The following PGPEP1L variants were observed in gnomAD, a reference collection of about 807,000 sequenced individuals.
PGPEP1L encodes pyroglutamyl-peptidase I like.
A neutral mutation model predicts 6.0 loss-of-function variants in PGPEP1L; 7 were observed. That is an observed-to-expected ratio of 1.17 (90% confidence interval 0.66 to 2.19). The LOEUF (loss-of-function observed/expected upper bound fraction) is 2.19, where lower values mean the gene tolerates loss of function less well. Among genes scored for constraint, PGPEP1L ranks in the 30% most tolerant of loss-of-function variants. The probability of loss-of-function intolerance (pLI) is 0.00; values close to 1 mark genes in which losing one functional copy is unlikely to be tolerated. For synonymous variants in PGPEP1L, 103 were observed against 83.9 expected, an observed-to-expected ratio of 1.23 and a Z score of -1.24; for missense variants, 209 against 192.5, an observed-to-expected ratio of 1.09 and a Z score of -0.51.
chr15:99,001,585 G>A (rs2017970998), intron 2 of PGPEP1L, among the ~76,000 whole-genome samples: 1 of 152,216 alleles, frequency 6.6e-6, no homozygotes, highest in South Asian at 2.1e-4. Flanking sequence ...CAATGAAGTA[G>A]TTTAAAAACT....
chr15:98,987,507 A>C (rs1459547903), intron 2 of PGPEP1L, among the ~76,000 whole-genome samples: 1 of 152,156 alleles, frequency 6.6e-6, no homozygotes, highest in Non-Finnish European at 1.5e-5. Flanking sequence ...TGGTGGGTGC[A>C]GTATCCAGCG....
At chr15:99,003,900 CCATT>C (rs1420397653) in intron 2 of PGPEP1L, among the ~76,000 whole-genome samples, 2 of 147,756 alleles carry the variant, frequency 1.4e-5, no homozygotes, top group Non-Finnish European at 3.0e-5. Flanking sequence ...GTAATTTGAA[CCATT>C]CAATCTCCAG....
Position 98,970,770 on chromosome 15 carries a change from T to C in PGPEP1L, c.-19+266A>G, listed in dbSNP as rs140040954. On this transcript the variant is annotated intron_variant, in intron 3 of 4. Transcript: ENST00000535714. Reference sequence around the variant, plus strand: ...CCTCTCCCTTAGGTGGAAACTATTTTTGAGTCCTGGCTGGGAATAATACTT... The same window carrying C: ...CCTCTCCCTTAGGTGGAAACTATTTCTGAGTCCTGGCTGGGAATAATACTT... Among the ~76,000 whole-genome samples the C allele has an allele frequency of 2.6e-5, 4 of 152,368 alleles. No homozygotes were observed. The East Asian group carries it at 7.7e-4, about 29-fold the overall frequency.
chr15:98,977,668 T>C (rs1262112429), intron 2 of PGPEP1L, among the ~76,000 whole-genome samples: 1 of 152,200 alleles, frequency 6.6e-6, no homozygotes, highest in Admixed American at 6.5e-5. Flanking sequence ...GGGTGGAGTG[T>C]TCTACAAATG....
intron 2 of PGPEP1L, among the ~76,000 whole-genome samples, chr15:98,989,664 C>G (rs1282479791): frequency 2.6e-5 from 4 of 152,074 alleles, no homozygotes; most frequent in African/African-American, 9.7e-5. Context: ...AGAGCAACCC[C>G]AAGACACATA....
At chr15:99,003,116 A>G (rs1381129973) in intron 2 of PGPEP1L, among the ~76,000 whole-genome samples, 9 of 152,034 alleles carry the variant, frequency 5.9e-5, no homozygotes, top group African/African-American at 2.2e-4. Flanking sequence ...CCTCTGATTC[A>G]ACCAAATCCT....
intron 2 of PGPEP1L, among the ~76,000 whole-genome samples, chr15:98,987,962 T>C (rs2017770800): frequency 6.6e-6 from 1 of 152,218 alleles, no homozygotes; most frequent in Admixed American, 6.5e-5. Flanking sequence ...GCCCAGATAC[T>C]GCGCTTTTCC....
At chr15:99,004,577 G>A (rs1472602991) in intron 2 of PGPEP1L, among the ~76,000 whole-genome samples, 2 of 152,110 alleles carry the variant, frequency 1.3e-5, no homozygotes, top group African/African-American at 4.8e-5. Context: ...AATTAGCTGG[G>A]CGTGGTGGTG....
At chr15:98,976,552 C>T (rs2151756125) in intron 2 of PGPEP1L, among the ~76,000 whole-genome samples, 1 of 152,288 alleles carries the variant, frequency 6.6e-6, no homozygotes, top group African/African-American at 2.4e-5. Context: ...TTGAGGTGTC[C>T]TGAAGAGAAA....
chr15:98,975,429 AC>A (rs1251057350), intron 2 of PGPEP1L, among the ~76,000 whole-genome samples: 1 of 152,240 alleles, frequency 6.6e-6, no homozygotes, highest in Non-Finnish European at 1.5e-5. Flanking sequence ...ACAATAGTTA[AC>A]ATTAATTTAT....
chr15:99,002,587 G>A (rs1410155348), intron 2 of PGPEP1L, among the ~76,000 whole-genome samples: 2 of 152,184 alleles, frequency 1.3e-5, no homozygotes, highest in African/African-American at 2.4e-5. Flanking sequence ...AATATCAGGA[G>A]AGGCTGGGTA....
chr15:98,974,200 G>A (rs900108747), intron 2 of PGPEP1L, among the ~76,000 whole-genome samples: 35 of 151,892 alleles, frequency 2.3e-4, no homozygotes, highest in African/African-American at 6.8e-4. Context: ...AACATGGCAC[G>A]AACCCGTCTG....
chr15:98,970,486 G>C (rs2017477206), intron 3 of PGPEP1L, among the ~76,000 whole-genome samples: 1 of 145,412 alleles, frequency 6.9e-6, no homozygotes, highest in Admixed American at 7.1e-5. Context: ...CTGGGGCATT[G>C]TCTGAATGGC....
intron 2 of PGPEP1L, among the ~76,000 whole-genome samples, chr15:98,997,168 A>G (rs1246650509): frequency 6.6e-6 from 1 of 152,174 alleles, no homozygotes; most frequent in African/African-American, 2.4e-5. Context: ...GAGCCCATGA[A>G]AGCCCCAAGC....
intron 2 of PGPEP1L, among the ~76,000 whole-genome samples, chr15:98,978,726 A>ATTT (rs57804945): frequency 5.3e-4 from 45 of 85,232 alleles, no homozygotes; most frequent in African/African-American, 8.7e-4. Flanking sequence ...ATATATATAT[A>ATTT]TTTTTTTTTT....
intron 2 of PGPEP1L, among the ~76,000 whole-genome samples, chr15:98,991,191 G>C (rs892846905): frequency 5.2e-4 from 79 of 151,728 alleles, no homozygotes; most frequent in African/African-American, 1.9e-3. Context: ...TTTTTGAAAA[G>C]AACAAAATAG....
At chr15:98,980,619 T>A (rs1456376625) in intron 2 of PGPEP1L, among the ~76,000 whole-genome samples, 2 of 151,908 alleles carry the variant, frequency 1.3e-5, no homozygotes, top group African/African-American at 4.8e-5. Context: ...GAGGACAGGA[T>A]AGAAGTGGGG....
At chr15:99,001,576 AATG>A (rs1238189337) in intron 2 of PGPEP1L, among the ~76,000 whole-genome samples, 4 of 152,220 alleles carry the variant, frequency 2.6e-5, no homozygotes, top group Non-Finnish European at 4.4e-5. Context: ...ATTATATCTC[AATG>A]AAGTAGTTTA....
chr15:99,004,581 G>C (rs1285028682), intron 2 of PGPEP1L, among the ~76,000 whole-genome samples: 2 of 152,116 alleles, frequency 1.3e-5, no homozygotes, highest in African/African-American at 4.8e-5. Context: ...AGCTGGGCGT[G>C]GTGGTGCGTA....
Sources: gnomAD v4.1 joint callset for allele counts (sites outside exome capture counted in the v4.1 genomes callset) on GRCh38, gnomAD v4.1.1 for gene constraint, MANE v1.5 for transcripts, NCBI Gene and HGNC (gene_info 2026-07-23, HGNC 2026-07-21) for gene names.